Variants in CARS1 observed in about 807,000 individuals in gnomAD.
The protein encoded by CARS1 is cysteinyl-tRNA synthetase 1, also known as cysteine--tRNA ligase, cytoplasmic.
Under a neutral mutation model 106.2 loss-of-function variants are expected in CARS1, and 48 were observed. The ratio of observed to expected loss-of-function variants is 0.45; its 90% confidence interval spans 0.36 to 0.57. The LOEUF (loss-of-function observed/expected upper bound fraction) is 0.57. Ranked by LOEUF, CARS1 falls within the 20% of genes least tolerant of loss-of-function variation. The pLI is 0.00. For missense variants in CARS1, 968 were observed against 1,057.2 expected (o/e 0.92, Z 1.17); for synonymous variants, 409 against 403.4 (o/e 1.01, Z -0.17).
chr11:3,040,826 G>A lies in CARS1; in HGVS notation c.455+70C>T, dbSNP rs1432730038. ...TCTTTGTGGACCTAAGATCGCTGCT[G>A]TGGATCCCAATGGCTCTGACTTCTG... On this transcript the variant is annotated intron_variant, in intron 4 of 22. Coordinates refer to ENST00000380525, the MANE Select transcript of CARS1 (RefSeq NM_001014437.3). The surrounding 1 kb of genome is among the most constrained non-coding windows in gnomAD (Gnocchi z 5.8). The A allele has an allele frequency of 6.5e-7, 1 of 1,534,300 alleles. No individual in the cohort carries two copies. The highest frequency in any genetic ancestry group is 1.4e-5 in the African/African-American group (1 of 72,932).
rs71035464 is a variant in CARS1, at chr11:3,003,204, TGG to T, written c.2218-606_2218-605del. On this transcript the variant is annotated intron_variant, in intron 20 of 22. Coordinates refer to ENST00000380525, the MANE Select transcript of CARS1 (RefSeq NM_001014437.3). This position sits in a 1 kb window ranked among gnomAD's most constrained non-coding sequence, Gnocchi z 4.8. ...CGGTGAGGGAAGCCCTCGGTTGCTT[TGG>T]GAGGTTCTGGCCTGAGCCATTGCAC... Among the ~76,000 whole-genome samples, 42,291 of 152,040 alleles carry T rather than the reference TGG, an allele frequency of 0.28. 7,028 individuals are homozygous for T. Among genetic ancestry groups the T allele is most frequent in the East Asian group, 0.63 (3,238 of 5,148 alleles).
In CARS1 at chr11:3,019,531, TAAAAATACAA is replaced by T. The variant is rs1163859106; in HGVS notation, c.1267-274_1267-265del. Among the ~76,000 whole-genome samples the T allele has an allele frequency of 2.0e-5, 3 of 151,916 alleles. No homozygotes were observed. Among genetic ancestry groups the T allele is most frequent in the Non-Finnish European group, 4.4e-5 (3 of 67,972 alleles). On this transcript the variant is annotated intron_variant, in intron 11 of 22. Coordinates refer to ENST00000380525, the MANE Select transcript of CARS1 (RefSeq NM_001014437.3). The surrounding 1 kb of genome is among the most constrained non-coding windows in gnomAD (Gnocchi z 6.2). ...CAACATGGTGAAACCCCGTCTCTAC[TAAAAATACAA>T]AAAAATACAAAAATTAGCTGAGCAT...
In CARS1 at chr11:3,043,258, C is replaced by G. The variant is rs1189555915; in HGVS notation, c.275-1002G>C. ...CTGAGATCCCTGAAGGGGCAGAGCT[C>G]TGTCCCTGGGGCCAGGGGCAGCCAC... On this transcript the variant is annotated intron_variant, in intron 2 of 22. Transcript: ENST00000380525. The surrounding 1 kb of genome is among the most constrained non-coding windows in gnomAD (Gnocchi z 4.0). Among the ~76,000 whole-genome samples, 2 of 152,100 alleles carry G rather than the reference C, an allele frequency of 1.3e-5. No individual in the cohort carries two copies. The highest frequency in any genetic ancestry group is 1.3e-4 in the Admixed American group (2 of 15,278).
intron 19 of CARS1, among the ~76,000 whole-genome samples, 156 bp from the exon 20 acceptor site, chr11:3,005,589 A>C (rs557577128): frequency 1.3e-5 from 2 of 151,832 alleles, no homozygotes; most frequent in East Asian, 3.9e-4. Context: ...CCTCCATAGC[A>C]GCAGTGAAGC....
chr11:3,002,463 G>A, intron 21 of CARS1, 78 bp downstream of exon 21: 4 of 1,592,524 alleles, frequency 2.5e-6, no homozygotes, highest in Non-Finnish European at 3.4e-6. Flanking sequence ...GTCCACGGAG[G>A]CACAGAGAGC....
chr11:3,055,582 T>C (rs1856124037), intron 1 of CARS1, among the ~76,000 whole-genome samples: 1 of 152,348 alleles, frequency 6.6e-6, no homozygotes, highest in South Asian at 2.1e-4. Flanking sequence ...GACTGGGCAA[T>C]CTGCCTGCTG....
rs7394702 is a variant in CARS1, at chr11:3,022,918, T to C, written c.1154-2586A>G. On this transcript the variant is annotated intron_variant, in intron 10 of 22. Transcript: ENST00000380525. This position sits in a 1 kb window ranked among gnomAD's most constrained non-coding sequence, Gnocchi z 4.9. ...CTGCACAGAGCTAAGGCTACACTCC[T>C]TATGACTCCCCATGGTGGGGGGAGG... 0.18 allele frequency among the ~76,000 whole-genome samples: 26,942 copies of C among 152,080 alleles called. 2,913 individuals are homozygous for C. Among genetic ancestry groups the C allele is most frequent in the South Asian group, 0.31 (1,501 of 4,814 alleles).
rs1186553379 is a variant in CARS1 at position 3,053,214 on chromosome 11, TTTATTTTTA to T, written c.25+4120_25+4128del. ...CTTTCCTATCAGCATTTATTTTTTA[TTTATTTTTA>T]TTTTATTTTATTTTATTTTATTTTT... On this transcript the variant is annotated intron_variant, in intron 1 of 22. Transcript: ENST00000380525. The surrounding 1 kb of genome is among the most constrained non-coding windows in gnomAD (Gnocchi z 6.6). Among the ~76,000 whole-genome samples, 7 of 151,582 alleles carry T rather than the reference TTTATTTTTA, an allele frequency of 4.6e-5. No homozygotes were observed. In the Admixed American group the frequency reaches 4.7e-4, roughly 10 times the overall value.
At chr11:3,010,882 T>C (rs1347888554) in intron 18 of CARS1, among the ~76,000 whole-genome samples, 2 of 152,230 alleles carry the variant, frequency 1.3e-5, no homozygotes, top group African/African-American at 2.4e-5. Context: ...ATGCCCTGCC[T>C]GGATGCTGCC....
rs185078796 is a variant in CARS1 at position 3,039,362 on chromosome 11, T to G, written c.553-70A>C. 3 of 993,020 alleles carry G rather than the reference T, an allele frequency of 3.0e-6. No homozygotes were observed. Among genetic ancestry groups the G allele is most frequent in the East Asian group, 2.4e-5 (1 of 41,376 alleles). The allele number at this position is 993,020 out of a possible 1,614,324, so 61.5% of individuals were successfully genotyped here. ...CATGCATCCCTCTGCAGCAGGCCAC[T>G]CTCTCCCTTGGCCAACTCTAAGTGA... is the stretch of plus-strand genomic sequence containing the variant. On this transcript the variant is annotated intron_variant, in intron 5 of 22. Transcript: ENST00000380525. This position sits in a 1 kb window ranked among gnomAD's most constrained non-coding sequence, Gnocchi z 5.6.
Position 3,040,954 on chromosome 11 carries a change from C to T in CARS1, c.397G>A (p.Val133Met). ...GTTGGCCCACAGCAATACCACGTCA[C>T]CTTTTTCCCATCTTGAGGTATGAAC... ...EVFIPQDGKK[V>M]TWYCCGPTVY... Residue 133 changes from valine (V) to methionine (M), a missense_variant, in exon 4 of 23, where the codon GTG becomes ATG. Coordinates refer to ENST00000380525, the MANE Select transcript of CARS1 (RefSeq NM_001014437.3). This position sits in a 1 kb window ranked among gnomAD's most constrained non-coding sequence, Gnocchi z 5.8. 6.2e-7 allele frequency: 1 copy of T among 1,614,206 alleles called. No individual in the cohort carries two copies. Among genetic ancestry groups the T allele is most frequent in the Non-Finnish European group, 8.5e-7 (1 of 1,180,052 alleles).
chr11:3,039,341 C>G lies in CARS1; in HGVS notation c.553-49G>C, dbSNP rs755507901. On this transcript the variant is annotated intron_variant, in intron 5 of 22. Transcript: ENST00000380525. The surrounding 1 kb of genome is among the most constrained non-coding windows in gnomAD (Gnocchi z 5.6). ...GGGAGTGATGCTTGGATCCCACATG[C>G]ATCCCTCTGCAGCAGGCCACTCTCT... is the stretch of plus-strand genomic sequence containing the variant. 4 of 1,143,588 alleles carry G rather than the reference C, an allele frequency of 3.5e-6. No individual in the cohort carries two copies. Among genetic ancestry groups the G allele is most frequent in the Non-Finnish European group, 4.0e-6 (3 of 753,088 alleles). 70.8% of individuals were successfully genotyped at this position (1,143,588 alleles called of 1,614,324 possible). A position where few individuals can be genotyped will look rare whatever the true frequency, so the allele number is the denominator to read the frequency against.
intron 7 of CARS1, among the ~76,000 whole-genome samples, chr11:3,035,234 T>C (rs1442431625): frequency 1.3e-5 from 2 of 151,538 alleles, no homozygotes; most frequent in Non-Finnish European, 2.9e-5. Flanking sequence ...TACAAAACAG[T>C]AAGAAAAGGA....
chr11:3,056,583 G>A (rs1053850526), intron 1 of CARS1, among the ~76,000 whole-genome samples: 1 of 152,180 alleles, frequency 6.6e-6, no homozygotes, highest in African/African-American at 2.4e-5. Flanking sequence ...GACTGCCTGC[G>A]GAACTGGAGA....
At chr11:3,001,301 C>T in intron 22 of CARS1, 53 bp from the exon 23 acceptor site, 1 of 1,600,080 alleles carries the variant, frequency 6.2e-7, no homozygotes, top group East Asian at 2.2e-5. Flanking sequence ...TGGGTAACCC[C>T]AACTCCCCTT....
chr11:3,023,261 C>T (rs1174393923), intron 10 of CARS1, among the ~76,000 whole-genome samples: 2 of 152,162 alleles, frequency 1.3e-5, no homozygotes, highest in Non-Finnish European at 2.9e-5. Context: ...CATGTGCTGC[C>T]AGTTCCCTCC....
intron 14 of CARS1, 87 bp downstream of exon 14, chr11:3,018,321 G>T: frequency 1.2e-6 from 1 of 832,452 alleles, no homozygotes; most frequent in Non-Finnish European, 2.0e-6. Context: ...ACATCGGGAG[G>T]CTGGTGCACC....
At position 3,043,583 on chromosome 11, in the gene CARS1, C is replaced by G. The variant is rs567955570; in HGVS notation, c.275-1327G>C. ...CTGACCTGTGCCCACCCCAGCAGGC[C>G]GCCTGGCAGCTCACCAGGGTGCTCG... On this transcript the variant is annotated intron_variant, in intron 2 of 22. Coordinates refer to ENST00000380525, the MANE Select transcript of CARS1 (RefSeq NM_001014437.3). The surrounding 1 kb of genome is among the most constrained non-coding windows in gnomAD (Gnocchi z 4.0). 6.6e-6 allele frequency among the ~76,000 whole-genome samples: 1 copy of G among 151,632 alleles called. No individual in the cohort carries two copies.
rs894468857 is a variant in CARS1 at position 3,028,736 on chromosome 11, T to G, written c.1031+260A>C. 1 of 519,254 alleles carries G rather than the reference T, an allele frequency of 1.9e-6. No individual in the cohort carries two copies. The highest frequency in any genetic ancestry group is 1.9e-5 in the African/African-American group (1 of 52,638). The allele number at this position is 519,254 out of a possible 1,614,324, so 32.2% of individuals were successfully genotyped here. A position where few individuals can be genotyped will look rare whatever the true frequency, so the allele number is the denominator to read the frequency against. On this transcript the variant is annotated intron_variant, in intron 9 of 22. Transcript: ENST00000380525. This position sits in a 1 kb window ranked among gnomAD's most constrained non-coding sequence, Gnocchi z 4.4. Reference sequence around the variant, plus strand: ...ACCATTATGCAGCTCTGGGGCCCCATGACTGATGGTCTTGGCTGCCGAGCT... The same window carrying G: ...ACCATTATGCAGCTCTGGGGCCCCAGGACTGATGGTCTTGGCTGCCGAGCT...
Sources: allele counts gnomAD v4.1 joint callset (sites outside exome capture counted in the v4.1 genomes callset), GRCh38; gene constraint gnomAD v4.1.1; non-coding constraint Gnocchi (gnomAD v3.1); transcripts MANE v1.5; gene names NCBI Gene and HGNC (gene_info 2026-07-23, HGNC 2026-07-21).